The following SRPK2 variants were observed in gnomAD, a reference collection of about 807,000 sequenced individuals.
SRPK2 encodes SRSF protein kinase 2.
A neutral mutation model predicts 90.8 loss-of-function variants in SRPK2; 21 were observed. That is an observed-to-expected ratio of 0.23 (90% CI 0.16 to 0.33). SRPK2 has a LOEUF of 0.33. Ranked by LOEUF, SRPK2 falls within the 10% of genes least tolerant of loss-of-function variation. The pLI is 1.00. For missense variants in SRPK2, 620 were observed against 869.0 expected (o/e 0.71, Z 3.60); for synonymous variants, 288 against 311.1 (o/e 0.93, Z 0.78).
rs149810830 is a variant in SRPK2 at position 105,150,065 on chromosome 7, G to A, written c.622-3407C>T. Among the ~76,000 whole-genome samples, 6 of 151,930 alleles carry A rather than the reference G, an allele frequency of 3.9e-5. No homozygotes were observed. The East Asian group carries it at 1.2e-3, about 29-fold the overall frequency. On this transcript the variant is annotated intron_variant, in intron 7 of 15. Coordinates refer to ENST00000393651, the MANE Select transcript of SRPK2 (RefSeq NM_182692.3). ...GGTAATTGGCCAAAAAAAAAACCAA[G>A]ATGAATCATGGGCATGGCAAATATG... is the stretch of plus-strand genomic sequence containing the variant.
intron 9 of SRPK2, among the ~76,000 whole-genome samples, chr7:105,145,074 T>G (rs1292636138): frequency 7.4e-6 from 1 of 134,600 alleles, no homozygotes; most frequent in Non-Finnish European, 1.5e-5. Flanking sequence ...CCACTTGCAC[T>G]CCAGCCTGAG....
At chr7:105,201,468 T>C (rs750720518) in intron 3 of SRPK2, among the ~76,000 whole-genome samples, 1 of 152,148 alleles carries the variant, frequency 6.6e-6, no homozygotes, top group Admixed American at 6.5e-5. Context: ...TCCACTGTGC[T>C]GGTTCCCAGA....
rs118006058 is a variant in SRPK2, at chr7:105,144,557, T to C, written c.813+726A>G. 5.9e-5 allele frequency among the ~76,000 whole-genome samples: 9 copies of C among 152,106 alleles called. No homozygotes were observed. In the East Asian group the frequency reaches 1.5e-3, roughly 26 times the overall value. ...CACCCAGTATCTAATAAGGACATAG[T>C]GTTTTGACAGGACCACAAAATAGAT... On this transcript the variant is annotated intron_variant, in intron 9 of 15. Transcript: ENST00000393651.
intron 2 of SRPK2, among the ~76,000 whole-genome samples, chr7:105,284,573 G>A (rs1444223996): frequency 6.6e-6 from 1 of 152,088 alleles, no homozygotes; most frequent in African/African-American, 2.4e-5. Context: ...TCATGCTGGG[G>A]GAAAAATATT....
chr7:105,261,288 G>A lies in SRPK2; in HGVS notation c.72-57503C>T, dbSNP rs150081179. ...TGTAATCCCGGCACTTTGGGAGGCC[G>A]AGGCGGGTGGATCACAAGGTCAGGA... On this transcript the variant is annotated intron_variant, in intron 2 of 15. Coordinates refer to ENST00000393651, the MANE Select transcript of SRPK2 (RefSeq NM_182692.3). 5.1e-3 allele frequency among the ~76,000 whole-genome samples: 777 copies of A among 152,210 alleles called. 12 individuals carry two copies. In the East Asian group the frequency reaches 0.055, roughly 11 times the overall value.
At chr7:105,354,723 T>A (rs919489458) in intron 2 of SRPK2, among the ~76,000 whole-genome samples, 23 of 152,342 alleles carry the variant, frequency 1.5e-4, no homozygotes, top group Admixed American at 1.4e-3. Flanking sequence ...TGTTGTTTTT[T>A]AATAACAACT....
At chr7:105,365,288 C>T (rs373581053) in intron 2 of SRPK2, among the ~76,000 whole-genome samples, 19 of 151,850 alleles carry the variant, frequency 1.3e-4, no homozygotes, top group South Asian at 1.0e-3. Context: ...AGCTGGAGAC[C>T]AGCCCGGCCA....
chr7:105,140,712 C>T (rs906201401), intron 11 of SRPK2, among the ~76,000 whole-genome samples: 3 of 152,056 alleles, frequency 2.0e-5, no homozygotes, highest in African/African-American at 7.2e-5. Flanking sequence ...CCTGTAATCC[C>T]AGCACTTTGG....
At chr7:105,183,691 T>C (rs912937807) in intron 3 of SRPK2, among the ~76,000 whole-genome samples, 2 of 151,850 alleles carry the variant, frequency 1.3e-5, no homozygotes, top group African/African-American at 4.8e-5. Flanking sequence ...GTTTTCACCA[T>C]GTTAGTCAGG....
chr7:105,322,566 G>A (rs887585803), intron 2 of SRPK2, among the ~76,000 whole-genome samples: 1 of 152,174 alleles, frequency 6.6e-6, no homozygotes, highest in East Asian at 1.9e-4. Context: ...TTGGCTCCCA[G>A]GAGTTGGGGG....
intron 2 of SRPK2, among the ~76,000 whole-genome samples, chr7:105,381,670 TG>T (rs2132667526): frequency 6.6e-6 from 1 of 152,308 alleles, no homozygotes; most frequent in East Asian, 1.9e-4. Flanking sequence ...GTCCATTTAC[TG>T]TATTCTACTG....
chr7:105,200,828 A>C (rs1046241848), intron 3 of SRPK2, among the ~76,000 whole-genome samples: 3 of 152,254 alleles, frequency 2.0e-5, no homozygotes, highest in African/African-American at 7.2e-5. Context: ...AAATTAAAAG[A>C]AATTACAAAA....
chr7:105,391,864 A>G (rs1822191226), upstream of SRPK2, among the ~76,000 whole-genome samples: 2 of 152,332 alleles, frequency 1.3e-5, no homozygotes, highest in Admixed American at 1.3e-4. Context: ...GTATATATGC[A>G]CAAGGACTGA....
chr7:105,376,020 GTC>G (rs1283356303), intron 2 of SRPK2, among the ~76,000 whole-genome samples: 1 of 108,868 alleles, frequency 9.2e-6, no homozygotes, highest in African/African-American at 3.6e-5. Context: ...TTGAGACAGA[GTC>G]TCTGTCTGCC....
intron 2 of SRPK2, among the ~76,000 whole-genome samples, chr7:105,356,609 G>A (rs1237095918): frequency 2.0e-5 from 3 of 152,052 alleles, no homozygotes; most frequent in Non-Finnish European, 2.9e-5. Context: ...AAATTTGATA[G>A]TTTGGGGCAA....
intron 2 of SRPK2, among the ~76,000 whole-genome samples, chr7:105,291,248 T>C (rs933931609): frequency 1.3e-5 from 2 of 152,124 alleles, no homozygotes; most frequent in African/African-American, 4.8e-5. Context: ...CATACAAAGA[T>C]ATGTCACTTT....
At chr7:105,180,932 A>C (rs1167396644) in intron 3 of SRPK2, among the ~76,000 whole-genome samples, 1 of 152,252 alleles carries the variant, frequency 6.6e-6, no homozygotes, top group Non-Finnish European at 1.5e-5. Flanking sequence ...TCAACAGAGT[A>C]AACAACCTAC....
At chr7:105,215,449 G>C (rs74478676) in intron 2 of SRPK2, among the ~76,000 whole-genome samples, 179 of 152,284 alleles carry the variant, frequency 1.2e-3, no homozygotes, top group African/African-American at 4.1e-3. Flanking sequence ...ATCTCAGAAA[G>C]TAAAAAAGAG....
intron 2 of SRPK2, among the ~76,000 whole-genome samples, chr7:105,343,355 G>A (rs1244786545): frequency 1.3e-5 from 2 of 152,094 alleles, no homozygotes; most frequent in African/African-American, 4.8e-5. Flanking sequence ...GATCACTTGA[G>A]CCCAGGAGGT....
Sources: gnomAD v4.1 joint callset for allele counts (sites outside exome capture counted in the v4.1 genomes callset) on GRCh38, gnomAD v4.1.1 for gene constraint, MANE v1.5 for transcripts, NCBI Gene and HGNC (gene_info 2026-07-23, HGNC 2026-07-21) for gene names.